Variants in ZBTB21 observed in about 807,000 individuals in gnomAD.
ZBTB21 encodes zinc finger and BTB domain containing 21, also known as zinc finger and BTB domain-containing protein 21.
A neutral mutation model predicts 39.8 loss-of-function variants in ZBTB21; 10 were observed. That is an observed-to-expected ratio of 0.25 (90% CI 0.16 to 0.43). The LOEUF (loss-of-function observed/expected upper bound fraction) is 0.43, where lower values mean the gene tolerates loss of function less well. Among genes scored for constraint, ZBTB21 ranks in the 20% least tolerant of loss-of-function variants. The pLI is 1.00. For synonymous variants in ZBTB21, 551 were observed against 498.8 expected (o/e 1.10, Z -1.40); for missense variants, 1,221 against 1,296.3 (o/e 0.94, Z 0.89).
Position 41,998,192 on chromosome 21 carries a change from ATT to A in ZBTB21, c.-13-4086_-13-4085del, listed in dbSNP as rs112739106. On this transcript the variant is annotated intron_variant, in intron 2 of 2. Coordinates refer to ENST00000310826, the MANE Select transcript of ZBTB21 (RefSeq NM_001098402.2). ...GTTCCTCTAACACCTCATCCTTTTCATTTTTTTTTTTTTTTTCTAGACAGGGT... is the reference window on the plus strand; with the variant it reads ...GTTCCTCTAACACCTCATCCTTTTCATTTTTTTTTTTTTTCTAGACAGGGT... Among the ~76,000 whole-genome samples the A allele has an allele frequency of 2.9e-3, 359 of 122,224 alleles. 3 individuals carry two copies. Among genetic ancestry groups the A allele is most frequent in the African/African-American group, 0.01 (337 of 33,208 alleles). 80.2% of individuals were successfully genotyped at this position (122,224 alleles called of 152,430 possible).
At chr21:42,010,003 AGT>A (rs1421279487) in intron 1 of ZBTB21, among the ~76,000 whole-genome samples, 1 of 152,194 alleles carries the variant, frequency 6.6e-6, no homozygotes, top group Non-Finnish European at 1.5e-5. Flanking sequence ...GGCGAGGCCA[AGT>A]GCTGGCAGGG....
rs941493203 is a variant in ZBTB21 at position 41,989,155 on chromosome 21, A to G, written c.*1740T>C. ...TCCATCAAATTTAAGAAAGAATAGGAAGTTAACTACTAAAATATTGTGGAA... is the reference window on the plus strand; with the variant it reads ...TCCATCAAATTTAAGAAAGAATAGGGAGTTAACTACTAAAATATTGTGGAA... On this transcript the variant is annotated 3_prime_UTR_variant, in exon 3 of 3. Transcript: ENST00000310826. 3 of 152,164 alleles carry G rather than the reference A, an allele frequency of 2.0e-5. No homozygotes were observed. Among genetic ancestry groups the G allele is most frequent in the Admixed American group, 6.5e-5 (1 of 15,278 alleles). The allele number at this position is 152,164 out of a possible 1,614,324, so 9.4% of individuals were successfully genotyped here.
Position 41,992,641 on chromosome 21 carries a change from C to A in ZBTB21, c.1455G>T (p.Arg485Ser). 4 of 1,614,132 alleles carry A rather than the reference C, an allele frequency of 2.5e-6. No homozygotes were observed. The highest frequency in any genetic ancestry group is 3.4e-6 in the Non-Finnish European group (4 of 1,179,986). The change falls in exon 3 of 3, where the codon AGG (arginine) becomes AGT (serine). Residue 485 changes from arginine (R) to serine (S), a missense_variant. By Grantham distance (110) the Arg-to-Ser change is moderately radical (BLOSUM62 -1). Transcript: ENST00000310826. The surrounding 1 kb of genome is among the most constrained non-coding windows in gnomAD (Gnocchi z 4.1). ...ACGGCAATCTTCGGTCCGCTTGGAA[C>A]CTCCTTTTTGCTGGGAGTCTGCTCA... Reference protein sequence around the residue: ...KDMSRLPAKRRFQADRRLPFK... With the variant: ...KDMSRLPAKRSFQADRRLPFK...
chr21:41,993,252 C>T lies in ZBTB21; in HGVS notation c.844G>A (p.Val282Ile), dbSNP rs915836. 1.9e-5 allele frequency: 31 copies of T among 1,611,668 alleles called. No homozygotes were observed. In the African/African-American group the frequency reaches 3.2e-4, roughly 17 times the overall value. The change falls in exon 3 of 3, where the codon GTT becomes ATT. Residue 282 changes from valine (V) to isoleucine (I), a missense_variant. Transcript: ENST00000310826. Reference protein sequence around the residue: ...LKRPRPPVLSVCSSSETPYLL... With the variant: ...LKRPRPPVLSICSSSETPYLL... The stretch of plus-strand genomic sequence containing the variant: ...TAGGGAGTCTCTGATGAGCTACAAA[C>T]AGACAAAACAGGTGGCCGTGGTCTC...
intron 1 of ZBTB21, among the ~76,000 whole-genome samples, 195 bp downstream of exon 1, chr21:42,010,057 C>T (rs2065942350): frequency 1.3e-5 from 2 of 152,244 alleles, no homozygotes; most frequent in Admixed American, 1.3e-4. Flanking sequence ...CGTGGGAACC[C>T]GGGACATGCT....
At chr21:42,006,918 G>C (rs986496102) in intron 1 of ZBTB21, among the ~76,000 whole-genome samples, 1 of 152,196 alleles carries the variant, frequency 6.6e-6, no homozygotes, top group East Asian at 1.9e-4. Flanking sequence ...AGCCTCAGAA[G>C]AAGCCAACCC....
At position 41,989,834 on chromosome 21, in the gene ZBTB21, T is replaced by G. The variant is rs964050998; in HGVS notation, c.*1061A>C. 11 of 152,326 alleles carry G rather than the reference T, an allele frequency of 7.2e-5. No homozygotes were observed. The highest frequency in any genetic ancestry group is 1.6e-4 in the Non-Finnish European group (11 of 68,000). 9.4% of individuals were successfully genotyped at this position (152,326 alleles called of 1,614,324 possible). A position where few individuals can be genotyped will look rare whatever the true frequency, so the allele number is the denominator to read the frequency against. On this transcript the variant is annotated 3_prime_UTR_variant, in exon 3 of 3. Transcript: ENST00000310826. The stretch of plus-strand genomic sequence containing the variant: ...TTGTTCTTGGAAAGCATGTTGAAAC[T>G]GCAGTGAGGTGTTTCTCCTCTGCTC...
rs921571987 is a variant in ZBTB21, at chr21:41,991,225, T to C, written c.2871A>G (p.Gln957=). The C allele has an allele frequency of 1.2e-6, 2 of 1,614,208 alleles. No homozygotes were observed. Among genetic ancestry groups the C allele is most frequent in the South Asian group, 1.1e-5 (1 of 91,084 alleles). Residue 957 remains glutamine, a synonymous_variant, in exon 3 of 3, where the codon CAA becomes CAG. Coordinates refer to ENST00000310826, the MANE Select transcript of ZBTB21 (RefSeq NM_001098402.2). This position sits in a 1 kb window ranked among gnomAD's most constrained non-coding sequence, Gnocchi z 4.9. ...CCTCTGAAGCCTGAGACATGTGCGA[T>C]TGGAAGTGACTCCAGAGTCGAAAAT... is the stretch of plus-strand genomic sequence containing the variant. ...RTNFRLWSHF[Q]SHMSQASEES... is the part of the protein sequence containing the mutation.
At position 41,991,585 on chromosome 21, in the gene ZBTB21, G is replaced by C. The variant is rs2065657014; in HGVS notation, c.2511C>G (p.His837Gln). ...QSQPEPNKVNHIVTTKDDNVF... is the reference protein window; with the variant it reads ...QSQPEPNKVNQIVTTKDDNVF... ...CGTTGTCGTCTTTTGTGGTGACGAT[G>C]TGGTTTACTTTGTTGGGCTCAGGCT... The change falls in exon 3 of 3, where the codon CAC (histidine) becomes CAG (glutamine). Residue 837 changes from histidine to glutamine, a missense_variant. By Grantham distance (24) the His-to-Gln change is conservative (BLOSUM62 0). Coordinates refer to ENST00000310826, the MANE Select transcript of ZBTB21 (RefSeq NM_001098402.2). This position sits in a 1 kb window ranked among gnomAD's most constrained non-coding sequence, Gnocchi z 4.9. The C allele has an allele frequency of 6.2e-7, 1 of 1,614,220 alleles. No homozygotes were observed. The highest frequency in any genetic ancestry group is 1.3e-5 in the African/African-American group (1 of 75,052).
chr21:41,989,859 C>A lies in ZBTB21; in HGVS notation c.*1036G>T, dbSNP rs139296846. 6.6e-6 allele frequency: 1 copy of A among 152,248 alleles called. No homozygotes were observed. Among genetic ancestry groups the A allele is most frequent in the African/African-American group, 2.4e-5 (1 of 41,542 alleles). 9.4% of individuals were successfully genotyped at this position (152,248 alleles called of 1,614,324 possible). On this transcript the variant is annotated 3_prime_UTR_variant, in exon 3 of 3. Coordinates refer to ENST00000310826, the MANE Select transcript of ZBTB21 (RefSeq NM_001098402.2). ...TGCAGTGAGGTGTTTCTCCTCTGCT[C>A]TATCTGGAAGTAAATGGTAATTTAG...
intron 1 of ZBTB21, among the ~76,000 whole-genome samples, chr21:42,008,238 G>A (rs778328316): frequency 4.8e-4 from 71 of 149,018 alleles, no homozygotes; most frequent in Non-Finnish European, 7.2e-4. Context: ...GGGCGCAGTG[G>A]CTCATGCCTG....
At position 42,008,558 on chromosome 21, in the gene ZBTB21, AAAAAGAAAAAAAGAAAAG is replaced by A. The variant is rs1444198935; in HGVS notation, c.-79+1676_-79+1693del. Among the ~76,000 whole-genome samples the A allele has an allele frequency of 1.1e-4, 14 of 128,136 alleles. No individual in the cohort carries two copies. In the East Asian group the frequency reaches 2.5e-3, roughly 23 times the overall value. 84.1% of individuals were successfully genotyped at this position (128,136 alleles called of 152,430 possible). A position where few individuals can be genotyped will look rare whatever the true frequency, so the allele number is the denominator to read the frequency against. The stretch of plus-strand genomic sequence containing the variant: ...ACTCTGTCAAAAAAAAAAAAAAAAA[AAAAAGAAAAAAAGAAAAG>A]AAAAGAAAAAATTGTCCCTTTAATT... On this transcript the variant is annotated intron_variant, in intron 1 of 2. Coordinates refer to ENST00000310826, the MANE Select transcript of ZBTB21 (RefSeq NM_001098402.2).
chr21:42,006,746 A>G (rs1204086018), intron 1 of ZBTB21, among the ~76,000 whole-genome samples: 1 of 152,242 alleles, frequency 6.6e-6, no homozygotes, highest in Non-Finnish European at 1.5e-5. Context: ...TCATACTTGG[A>G]GACATGGTCT....
At position 41,988,990 on chromosome 21, in the gene ZBTB21, G is replaced by A. The variant is rs530651936; in HGVS notation, c.*1905C>T. Reference sequence around the variant, plus strand: ...CAGAGTAAGAAATACCACATTATACGCGGAATGAATTCAATGTACAATAAT... The same window carrying A: ...CAGAGTAAGAAATACCACATTATACACGGAATGAATTCAATGTACAATAAT... On this transcript the variant is annotated 3_prime_UTR_variant, in exon 3 of 3. Transcript: ENST00000310826. 3.9e-5 allele frequency: 6 copies of A among 152,066 alleles called. No individual in the cohort carries two copies. The South Asian group carries it at 6.2e-4, about 16-fold the overall frequency. The allele number at this position is 152,066 out of a possible 1,614,324, so 9.4% of individuals were successfully genotyped here. A position where few individuals can be genotyped will look rare whatever the true frequency, so the allele number is the denominator to read the frequency against.
In ZBTB21 at chr21:41,991,586, T is replaced by A. The variant is rs2065657072; in HGVS notation, c.2510A>T (p.His837Leu). The stretch of plus-strand genomic sequence containing the variant: ...GTTGTCGTCTTTTGTGGTGACGATG[T>A]GGTTTACTTTGTTGGGCTCAGGCTG... ...QSQPEPNKVN[H>L]IVTTKDDNVF... Residue 837 changes from histidine (H) to leucine (L), a missense_variant, in exon 3 of 3, where the codon CAC (histidine) becomes CTC (leucine). Coordinates refer to ENST00000310826, the MANE Select transcript of ZBTB21 (RefSeq NM_001098402.2). This position sits in a 1 kb window ranked among gnomAD's most constrained non-coding sequence, Gnocchi z 4.9. 6.2e-7 allele frequency: 1 copy of A among 1,614,212 alleles called. No homozygotes were observed. The highest frequency in any genetic ancestry group is 1.3e-5 in the African/African-American group (1 of 75,036).
chr21:41,999,895 C>G (rs2065797516), intron 2 of ZBTB21, among the ~76,000 whole-genome samples: 1 of 152,154 alleles, frequency 6.6e-6, no homozygotes, highest in South Asian at 2.1e-4. Flanking sequence ...ATGAAATGGA[C>G]AGCCATTGAA....
In ZBTB21 at chr21:41,990,884, G is replaced by A. The variant is rs774165112; in HGVS notation, c.*11C>T. On this transcript the variant is annotated 3_prime_UTR_variant, in exon 3 of 3. Transcript: ENST00000310826. The stretch of plus-strand genomic sequence containing the variant: ...GGGGACTGCCTCCCATAGGTAAAAA[G>A]TGTTGGTCTTTCAATTGTGTGTTTG... 1 of 1,448,596 alleles carries A rather than the reference G, an allele frequency of 6.9e-7. No homozygotes were observed. The highest frequency in any genetic ancestry group is 1.4e-5 in the African/African-American group (1 of 69,968). The allele number at this position is 1,448,596 out of a possible 1,614,324, so 89.7% of individuals were successfully genotyped here. A position where few individuals can be genotyped will look rare whatever the true frequency, so the allele number is the denominator to read the frequency against.
intron 1 of ZBTB21, 111 bp downstream of exon 1, chr21:42,010,141 A>G (rs1171468215): frequency 3.1e-5 from 12 of 389,048 alleles, no homozygotes; most frequent in Non-Finnish European, 4.1e-5. Flanking sequence ...AAAAAAGAGG[A>G]GAGAAATCAC....
In ZBTB21 at chr21:41,997,468, C is replaced by G. The variant is rs561564471; in HGVS notation, c.-13-3360G>C. 2.4e-4 allele frequency among the ~76,000 whole-genome samples: 37 copies of G among 151,392 alleles called. 1 individual carries two copies. Among genetic ancestry groups the G allele is most frequent in the Admixed American group, 1.2e-3 (18 of 15,198 alleles). On this transcript the variant is annotated intron_variant, in intron 2 of 2. Coordinates refer to ENST00000310826, the MANE Select transcript of ZBTB21 (RefSeq NM_001098402.2). ...GCATGTGCCTGTAATCCCAGCTACT[C>G]AGGAGGCTGAAGCATGACAATCACT... is the stretch of plus-strand genomic sequence containing the variant.
Sources: allele counts gnomAD v4.1 joint callset (sites outside exome capture counted in the v4.1 genomes callset), GRCh38; gene constraint gnomAD v4.1.1; non-coding constraint Gnocchi (gnomAD v3.1); transcripts MANE v1.5; gene names NCBI Gene and HGNC (gene_info 2026-07-23, HGNC 2026-07-21).